CDC42BPB: variants seen among roughly 807,000 people sequenced by gnomAD.
The protein encoded by CDC42BPB is serine/threonine-protein kinase MRCK beta.
In CDC42BPB, 37 loss-of-function variants were observed where a neutral mutation model predicts 214.9. That is an observed-to-expected ratio of 0.17 (90% CI 0.13 to 0.23). The LOEUF (loss-of-function observed/expected upper bound fraction) is 0.23. CDC42BPB is among the 10% of genes least tolerant of loss of function. The pLI is 1.00. For synonymous variants in CDC42BPB, 931 were observed against 884.0 expected (o/e 1.05, Z -0.94); for missense variants, 1,694 against 2,227.0 (o/e 0.76, Z 4.82).
intron 1 of CDC42BPB, among the ~76,000 whole-genome samples, chr14:103,036,636 C>T (rs768486667): frequency 2.0e-5 from 3 of 152,076 alleles, no homozygotes; most frequent in Non-Finnish European, 4.4e-5. Context: ...ACGATAGGCT[C>T]AACTGTGCAG....
chr14:103,041,920 C>T, intron 1 of CDC42BPB: 1 of 401,286 alleles, frequency 2.5e-6, no homozygotes. Context: ...GCTGACAGGA[C>T]CGGTCATGCC....
intron 30 of CDC42BPB, chr14:102,941,644 A>C (rs779280076): frequency 5.3e-6 from 4 of 750,418 alleles, no homozygotes; most frequent in Non-Finnish European, 6.5e-6. Flanking sequence ...TAGTTTGCTG[A>C]CTCAGTGATA....
intron 4 of CDC42BPB, among the ~76,000 whole-genome samples, chr14:103,000,894 A>G (rs1894948536): frequency 6.6e-6 from 1 of 152,168 alleles, no homozygotes; most frequent in Non-Finnish European, 1.5e-5. Context: ...CCAGCAAGCA[A>G]GGACAGAGCA....
chr14:103,000,547 G>T (rs183570361), intron 4 of CDC42BPB, among the ~76,000 whole-genome samples: 1 of 152,392 alleles, frequency 6.6e-6, no homozygotes, highest in African/African-American at 2.4e-5. Context: ...GGGCCGCTGT[G>T]CCTCAGTGAA....
At chr14:103,003,292 C>G (rs1270277302) in intron 4 of CDC42BPB, among the ~76,000 whole-genome samples, 1 of 152,234 alleles carries the variant, frequency 6.6e-6, no homozygotes, top group East Asian at 1.9e-4. Context: ...GCGGGTCACT[C>G]AGCGGCCAAG....
chr14:102,961,896 T>C (rs1892979038), intron 20 of CDC42BPB, among the ~76,000 whole-genome samples: 1 of 152,088 alleles, frequency 6.6e-6, no homozygotes, highest in Non-Finnish European at 1.5e-5. Flanking sequence ...AAAGACAAAC[T>C]AGGAAAAATA....
Position 102,967,071 on chromosome 14 carries a change from C to T in CDC42BPB, c.2446G>A (p.Ala816Thr). The part of the protein sequence containing the change: ...AKKESVAHWE[A>T]QIAEIIQWVS... ...CACTGAATGATTTCCGCAATCTGAG[C>T]TTCCCAGTGGGCCACTGACTCCTTC... Residue 816 changes from alanine (A) to threonine (T), a missense_variant, in exon 17 of 37, where the codon GCT (alanine) becomes ACT (threonine). Ala to Thr is a moderately conservative substitution (Grantham distance 58, BLOSUM62 0). Transcript: ENST00000361246. 1 of 1,614,184 alleles carries T rather than the reference C, an allele frequency of 6.2e-7. No homozygotes were observed. Among genetic ancestry groups the T allele is most frequent in the Non-Finnish European group, 8.5e-7 (1 of 1,180,030 alleles).
chr14:102,975,856 T>G, intron 10 of CDC42BPB, 27 bp downstream of exon 10: 1 of 1,613,964 alleles, frequency 6.2e-7, no homozygotes, highest in Non-Finnish European at 8.5e-7. Context: ...CGCCCCCGCC[T>G]GGCCCCGGAG....
At chr14:103,050,907 T>C (rs925621026) in intron 1 of CDC42BPB, among the ~76,000 whole-genome samples, 2 of 152,194 alleles carry the variant, frequency 1.3e-5, no homozygotes, top group African/African-American at 2.4e-5. Context: ...AGGACCGAAT[T>C]TGAATGAAAT....
At position 103,001,468 on chromosome 14, in the gene CDC42BPB, C is replaced by T. The variant is rs1894978086; in HGVS notation, c.448-1755G>A. On this transcript the variant is annotated intron_variant, in intron 4 of 36. Transcript: ENST00000361246. The surrounding 1 kb of genome is among the most constrained non-coding windows in gnomAD (Gnocchi z 5.8). ...CCTGAGGGGAGCCGCGGTCGTGCTC[C>T]AGATGAAGGGGTGCGTGCAAAGCGG... Among the ~76,000 whole-genome samples, 1 of 152,148 alleles carries T rather than the reference C, an allele frequency of 6.6e-6. No homozygotes were observed. Among genetic ancestry groups the T allele is most frequent in the African/African-American group, 2.4e-5 (1 of 41,414 alleles).
chr14:102,967,241 G>A, intron 16 of CDC42BPB, 71 bp from the exon 17 acceptor site: 1 of 1,528,946 alleles, frequency 6.5e-7, no homozygotes, highest in Non-Finnish European at 8.8e-7. Context: ...TTTAACACTG[G>A]AAGTTCTTTT....
intron 1 of CDC42BPB, chr14:103,012,409 G>A (rs917457846): frequency 1.5e-5 from 5 of 328,446 alleles, no homozygotes; most frequent in African/African-American, 4.5e-5. Flanking sequence ...TTGCAGCCAC[G>A]CACTGGGTAA....
chr14:102,997,063 C>T (rs373023197), intron 5 of CDC42BPB, among the ~76,000 whole-genome samples: 10 of 152,246 alleles, frequency 6.6e-5, no homozygotes, highest in African/African-American at 1.7e-4. Context: ...TCCAGCAAGA[C>T]GGAAGAGCTA....
chr14:103,046,410 AC>A (rs1227974980), intron 1 of CDC42BPB, among the ~76,000 whole-genome samples: 3 of 152,164 alleles, frequency 2.0e-5, no homozygotes, highest in Admixed American at 2.0e-4. Context: ...CCCATTCATA[AC>A]CATGGAAAGA....
At chr14:103,007,745 C>T (rs1885919117) in intron 3 of CDC42BPB, among the ~76,000 whole-genome samples, 2 of 151,926 alleles carry the variant, frequency 1.3e-5, no homozygotes, top group Non-Finnish European at 1.5e-5. Context: ...CTGGCAGAGG[C>T]GGGAGTCACG....
rs755227527 is a variant in CDC42BPB at position 102,933,503 on chromosome 14, C to G, written c.*209G>C. The G allele has an allele frequency of 6.6e-6, 3 of 454,700 alleles. No homozygotes were observed. In the Admixed American group the frequency reaches 1.3e-4, roughly 20 times the overall value. 28.2% of individuals were successfully genotyped at this position (454,700 alleles called of 1,614,324 possible). A position where few individuals can be genotyped will look rare whatever the true frequency, so the allele number is the denominator to read the frequency against. ...GTGCAGATGGAACAGCATCGCCTCA[C>G]AGCTGTGCAGACGAACAGATGTGGT... On this transcript the variant is annotated 3_prime_UTR_variant, in exon 37 of 37. Coordinates refer to ENST00000361246, the MANE Select transcript of CDC42BPB (RefSeq NM_006035.4).
intron 6 of CDC42BPB, chr14:102,983,991 G>C (rs967790985): frequency 1.9e-6 from 1 of 532,952 alleles, no homozygotes; most frequent in African/African-American, 2.1e-5. Flanking sequence ...GGAGCTCAAG[G>C]CCAACACGGG....
chr14:103,029,324 G>A (rs1019567170), intron 1 of CDC42BPB, among the ~76,000 whole-genome samples: 4 of 152,130 alleles, frequency 2.6e-5, no homozygotes, highest in African/African-American at 9.7e-5. Flanking sequence ...GGTGGATCAC[G>A]AGGTCAGGAG....
Position 103,048,365 on chromosome 14 carries a change from G to A in CDC42BPB, c.175+8634C>T, listed in dbSNP as rs930488041. Among the ~76,000 whole-genome samples, 162 of 151,760 alleles carry A rather than the reference G, an allele frequency of 1.1e-3. 1 individual carries two copies. The highest frequency in any genetic ancestry group is 3.8e-3 in the African/African-American group (156 of 41,396). On this transcript the variant is annotated intron_variant, in intron 1 of 36. Coordinates refer to ENST00000361246, the MANE Select transcript of CDC42BPB (RefSeq NM_006035.4). ...TCAAGATCAGCCTGGCCAACATGGT[G>A]AAACCCCATCTGTACTAAAAACACA...
Sources: gnomAD v4.1 joint callset for allele counts (sites outside exome capture counted in the v4.1 genomes callset) on GRCh38, gnomAD v4.1.1 for gene constraint, Gnocchi (gnomAD v3.1) non-coding constraint, MANE v1.5 for transcripts, NCBI Gene and HGNC (gene_info 2026-07-23, HGNC 2026-07-21) for gene names.